FAM178B: variants seen among roughly 807,000 people sequenced by gnomAD.
The protein encoded by FAM178B is protein FAM178B.
FAM178B carries 82 observed loss-of-function variants against 91.7 expected under a neutral mutation model. That is an observed-to-expected ratio of 0.89 (90% CI 0.75 to 1.07). The LOEUF (loss-of-function observed/expected upper bound fraction) is 1.07. Among genes scored for constraint, FAM178B ranks in the 50% least tolerant of loss-of-function variants. The probability of loss-of-function intolerance (pLI) is 0.00; values close to 1 mark genes in which losing one functional copy is unlikely to be tolerated. For missense variants in FAM178B, 769 were observed against 846.7 expected (o/e 0.91, Z 1.14); for synonymous variants, 368 against 359.4 (o/e 1.02, Z -0.27).
chr2:96,879,882 G>A (rs1386302650), intron 14 of FAM178B, among the ~76,000 whole-genome samples: 1 of 152,256 alleles, frequency 6.6e-6, no homozygotes, highest in Non-Finnish European at 1.5e-5. Context: ...TGCTGGCGAT[G>A]CACTGCTGGC....
In FAM178B at chr2:96,932,941, CAAAAAA is replaced by C. The variant is rs35133795; in HGVS notation, c.1079-3627_1079-3622del. Among the ~76,000 whole-genome samples the C allele has an allele frequency of 2.1e-3, 70 of 33,872 alleles. 1 individual carries two copies. Among genetic ancestry groups the C allele is most frequent in the African/African-American group, 6.3e-3 (69 of 10,932 alleles). The allele number at this position is 33,872 out of a possible 152,430, so 22.2% of individuals were successfully genotyped here. A position where few individuals can be genotyped will look rare whatever the true frequency, so the allele number is the denominator to read the frequency against. On this transcript the variant is annotated intron_variant, in intron 8 of 16. Coordinates refer to ENST00000490605, the MANE Select transcript of FAM178B (RefSeq NM_001122646.3). Reference sequence around the variant, plus strand: ...TACAACAGAGTGAGACTCCGTCTCACAAAAAAAAAAAAAAAAAAAAAAGCCGGGCGT... The same window carrying C: ...TACAACAGAGTGAGACTCCGTCTCACAAAAAAAAAAAAAAAAGCCGGGCGT...
At chr2:96,919,245 G>A (rs2081293005) in intron 12 of FAM178B, among the ~76,000 whole-genome samples, 1 of 152,204 alleles carries the variant, frequency 6.6e-6, no homozygotes, top group Non-Finnish European at 1.5e-5. Flanking sequence ...CAAACACCAT[G>A]CCCTGGATGG....
intron 13 of FAM178B, 81 bp from the exon 14 acceptor site, chr2:96,894,132 C>A: frequency 6.6e-6 from 10 of 1,507,862 alleles, no homozygotes; most frequent in Non-Finnish European, 8.9e-6. Context: ...GGCCTGGACA[C>A]CTCAGCTGGT....
chr2:96,929,150 C>G, intron 9 of FAM178B, 56 bp downstream of exon 9: 1 of 1,239,310 alleles, frequency 8.1e-7, no homozygotes, highest in Non-Finnish European at 1.2e-6. Flanking sequence ...CAGAGAGAGA[C>G]CCTGTCTCTT....
chr2:96,944,959 C>A (rs191036540), intron 8 of FAM178B, among the ~76,000 whole-genome samples: 1 of 152,216 alleles, frequency 6.6e-6, no homozygotes, highest in Non-Finnish European at 1.5e-5. Context: ...CCAAACCTAC[C>A]TGACTACAAG....
chr2:96,898,128 CCT>C (rs768618466), intron 13 of FAM178B: 100 of 985,362 alleles, frequency 1.0e-4, no homozygotes, highest in Non-Finnish European at 1.0e-4. Context: ...ATTCTAAACC[CCT>C]GTGCCCCCTT....
intron 6 of FAM178B, among the ~76,000 whole-genome samples, chr2:96,958,852 A>G (rs2082040426): frequency 6.6e-6 from 1 of 152,078 alleles, no homozygotes; most frequent in Admixed American, 6.6e-5. Flanking sequence ...TTTTAGAGAC[A>G]CAAACTGAAG....
intron 8 of FAM178B, among the ~76,000 whole-genome samples, chr2:96,946,643 G>A (rs943513895): frequency 6.6e-6 from 1 of 152,266 alleles, no homozygotes; most frequent in African/African-American, 2.4e-5. Context: ...CAGAGACAAC[G>A]TGGCAAGAAG....
chr2:96,974,983 C>T (rs1299165088), intron 1 of FAM178B, among the ~76,000 whole-genome samples: 1 of 148,374 alleles, frequency 6.7e-6, no homozygotes, highest in Non-Finnish European at 1.5e-5. Flanking sequence ...CCCAGCTACT[C>T]GGGAGACTGA....
rs549747457 is a variant in FAM178B at position 96,960,573 on chromosome 2, G to A, written c.735-133C>T. On this transcript the variant is annotated intron_variant, in intron 5 of 16. Transcript: ENST00000490605. The stretch of plus-strand genomic sequence containing the variant: ...TGCAGTCCTTGCGGCAAACCAAGGG[G>A]ACAGCGCCACCTGCTGATGGAGGAA... 4.7e-5 allele frequency: 51 copies of A among 1,075,888 alleles called. No homozygotes were observed. The African/African-American group carries it at 7.7e-4, about 16-fold the overall frequency. The allele number at this position is 1,075,888 out of a possible 1,614,324, so 66.6% of individuals were successfully genotyped here.
intron 14 of FAM178B, among the ~76,000 whole-genome samples, chr2:96,884,036 GTCTACCCT>G (rs1185185240): frequency 6.6e-6 from 1 of 152,224 alleles, no homozygotes; most frequent in East Asian, 1.9e-4. Flanking sequence ...AGCTGTGCTG[GTCTACCCT>G]GGGCCCTTTC....
intron 6 of FAM178B, among the ~76,000 whole-genome samples, 181 bp downstream of exon 6, chr2:96,960,107 T>C (rs1051702512): frequency 2.6e-5 from 4 of 152,238 alleles, no homozygotes; most frequent in Admixed American, 6.5e-5. Flanking sequence ...TGCAACAAAA[T>C]TAGTAAATGA....
At position 96,876,112 on chromosome 2, in the gene FAM178B, C is replaced by T. The variant is rs1364632363; in HGVS notation, c.*164G>A. ...GGGCGGTGGCAGAGGCAGGCTCTTGCAGAGAGGAGAGGGGTCGGGGCGGTG... is the reference window on the plus strand; with the variant it reads ...GGGCGGTGGCAGAGGCAGGCTCTTGTAGAGAGGAGAGGGGTCGGGGCGGTG... On this transcript the variant is annotated 3_prime_UTR_variant, in exon 17 of 17. Transcript: ENST00000490605. 3.0e-6 allele frequency: 2 copies of T among 673,648 alleles called. No individual in the cohort carries two copies. Among genetic ancestry groups the T allele is most frequent in the Non-Finnish European group, 5.0e-6 (2 of 400,040 alleles). 41.7% of individuals were successfully genotyped at this position (673,648 alleles called of 1,614,324 possible). A position where few individuals can be genotyped will look rare whatever the true frequency, so the allele number is the denominator to read the frequency against.
chr2:96,904,095 A>T (rs555301193), intron 12 of FAM178B, among the ~76,000 whole-genome samples: 1 of 152,228 alleles, frequency 6.6e-6, no homozygotes, highest in East Asian at 1.9e-4. Flanking sequence ...AACTGGCAAG[A>T]TCTACTAAAG....
intron 10 of FAM178B, 103 bp from the exon 11 acceptor site, chr2:96,921,757 T>A (rs756338694): frequency 2.5e-6 from 3 of 1,207,858 alleles, no homozygotes; most frequent in Admixed American, 2.2e-5. Flanking sequence ...GGGATGGTAC[T>A]GTGAGCCCCG....
chr2:96,953,898 G>A (rs2081963211), intron 6 of FAM178B, among the ~76,000 whole-genome samples: 1 of 152,216 alleles, frequency 6.6e-6, no homozygotes, highest in South Asian at 2.1e-4. Flanking sequence ...GGGAAAGGAG[G>A]AGGATCCCAA....
At chr2:96,904,986 C>A (rs2081003581) in intron 12 of FAM178B, among the ~76,000 whole-genome samples, 1 of 151,952 alleles carries the variant, frequency 6.6e-6, no homozygotes, top group Non-Finnish European at 1.5e-5. Context: ...TGGTCTTGAA[C>A]TCCTGACCTC....
chr2:96,880,576 A>G (rs1231733955), intron 14 of FAM178B, among the ~76,000 whole-genome samples: 3 of 152,088 alleles, frequency 2.0e-5, no homozygotes, highest in Non-Finnish European at 2.9e-5. Flanking sequence ...TACAAGGAGA[A>G]TACAATGAGA....
intron 8 of FAM178B, among the ~76,000 whole-genome samples, chr2:96,945,336 C>T (rs1326719472): frequency 1.3e-5 from 2 of 151,628 alleles, no homozygotes; most frequent in Non-Finnish European, 2.9e-5. Context: ...CACTAGAGCA[C>T]ACCCGTAATA....
Sources: gnomAD v4.1 joint callset for allele counts (sites outside exome capture counted in the v4.1 genomes callset) on GRCh38, gnomAD v4.1.1 for gene constraint, MANE v1.5 for transcripts, NCBI Gene and HGNC (gene_info 2026-07-23, HGNC 2026-07-21) for gene names.